Variants in RSU1 observed in about 807,000 individuals in gnomAD.
RSU1 encodes Ras suppressor protein 1.
In RSU1, 26 loss-of-function variants were observed where a neutral mutation model predicts 31.1. The observed-to-expected ratio is 0.84, with a 90% CI of 0.61 to 1.16. RSU1 has a LOEUF of 1.16. RSU1 is among the 50% of genes most tolerant of loss of function. The pLI is 0.00. For missense variants in RSU1, 320 were observed against 339.1 expected, an observed-to-expected ratio of 0.94 and a Z score of 0.44; for synonymous variants, 164 against 136.3, an observed-to-expected ratio of 1.20 and a Z score of -1.41.
At chr10:16,755,072 C>G (rs1338684707) in intron 4 of RSU1, 83 bp from the exon 5 acceptor site, 1 of 772,302 alleles carries the variant, frequency 1.3e-6, no homozygotes, top group Non-Finnish European at 2.2e-6. Flanking sequence ...GTTTCAGACG[C>G]TGAAAGTGTA....
intron 3 of RSU1, among the ~76,000 whole-genome samples, chr10:16,779,269 T>G (rs1837602988): frequency 6.6e-6 from 1 of 152,232 alleles, no homozygotes; most frequent in African/African-American, 2.4e-5. Flanking sequence ...TTAATATTTT[T>G]ATGAACTGCA....
At chr10:16,633,585 G>A (rs956944687) in intron 8 of RSU1, among the ~76,000 whole-genome samples, 1 of 152,106 alleles carries the variant, frequency 6.6e-6, no homozygotes, top group Non-Finnish European at 1.5e-5. Flanking sequence ...GAATGCCTGA[G>A]TCCTATACAG....
chr10:16,650,738 C>T (rs1392001964), intron 8 of RSU1, among the ~76,000 whole-genome samples: 3 of 145,930 alleles, frequency 2.1e-5, no homozygotes, highest in African/African-American at 7.4e-5. Context: ...CGCCACCACA[C>T]CCGGCTACTT....
intron 8 of RSU1, among the ~76,000 whole-genome samples, chr10:16,596,934 G>T (rs995015574): frequency 6.6e-6 from 1 of 152,160 alleles, no homozygotes; most frequent in Non-Finnish European, 1.5e-5. Flanking sequence ...CGTTGGACAT[G>T]CTGGTCTCAA....
At chr10:16,619,049 C>T (rs1037269062) in intron 8 of RSU1, among the ~76,000 whole-genome samples, 8 of 152,252 alleles carry the variant, frequency 5.3e-5, no homozygotes, top group African/African-American at 1.9e-4. Context: ...GAGGACTGAA[C>T]ATCAGGTACT....
At chr10:16,777,450 C>A (rs1357074059) in intron 3 of RSU1, among the ~76,000 whole-genome samples, 2 of 152,160 alleles carry the variant, frequency 1.3e-5, no homozygotes, top group Non-Finnish European at 2.9e-5. Flanking sequence ...AGCATACCTC[C>A]TTCTATAAGG....
At chr10:16,729,018 C>T (rs955154456) in intron 7 of RSU1, among the ~76,000 whole-genome samples, 3 of 152,206 alleles carry the variant, frequency 2.0e-5, no homozygotes, top group Admixed American at 1.3e-4. Context: ...TGTTTGTGCT[C>T]ATTGTTTATA....
intron 8 of RSU1, among the ~76,000 whole-genome samples, chr10:16,669,694 C>A (rs1308541101): frequency 6.6e-6 from 1 of 152,066 alleles, no homozygotes; most frequent in Non-Finnish European, 1.5e-5. Flanking sequence ...TTTTCTGTTC[C>A]TGTGTTAGTT....
chr10:16,677,986 A>G (rs1316605308), intron 8 of RSU1, among the ~76,000 whole-genome samples: 1 of 152,054 alleles, frequency 6.6e-6, no homozygotes, highest in African/African-American at 2.4e-5. Flanking sequence ...AAAATTAAGG[A>G]GAAAAGAAAC....
intron 8 of RSU1, among the ~76,000 whole-genome samples, chr10:16,654,361 C>CAAA (rs536600415): frequency 5.4e-5 from 5 of 92,280 alleles, no homozygotes; most frequent in African/African-American, 1.5e-4. Context: ...CCTAAATTTG[C>CAAA]AAAAAAAAAA....
At chr10:16,672,810 GTTGA>G (rs954654673) in intron 8 of RSU1, among the ~76,000 whole-genome samples, 4 of 152,292 alleles carry the variant, frequency 2.6e-5, no homozygotes, top group Non-Finnish European at 4.4e-5. Flanking sequence ...ACTGTCTTAA[GTTGA>G]TTGTTTTACA....
At chr10:16,735,901 G>A (rs1437715883) in intron 7 of RSU1, among the ~76,000 whole-genome samples, 2 of 152,052 alleles carry the variant, frequency 1.3e-5, no homozygotes, top group Admixed American at 6.5e-5. Flanking sequence ...CAGCCAAACC[G>A]TATCAGGAAA....
At chr10:16,606,448 G>C (rs1564283887) in intron 8 of RSU1, among the ~76,000 whole-genome samples, 2 of 151,984 alleles carry the variant, frequency 1.3e-5, no homozygotes, top group Non-Finnish European at 2.9e-5. Context: ...CATAAAAGTA[G>C]TGTTTTCTTC....
In RSU1 at chr10:16,593,235, G is replaced by C; in HGVS notation, c.*159C>G. On this transcript the variant is annotated 3_prime_UTR_variant, in exon 9 of 9. Coordinates refer to ENST00000345264, the MANE Select transcript of RSU1 (RefSeq NM_012425.4). ...TATAACAATCTCCCACCTAGCAAAAGAATCTAAAAGGTAAGGTGGGAAGCA... is the reference window on the plus strand; with the variant it reads ...TATAACAATCTCCCACCTAGCAAAACAATCTAAAAGGTAAGGTGGGAAGCA... 7 of 1,346,938 alleles carry C rather than the reference G, an allele frequency of 5.2e-6. No homozygotes were observed. Among genetic ancestry groups the C allele is most frequent in the Non-Finnish European group, 6.9e-6 (7 of 1,017,510 alleles). 83.4% of individuals were successfully genotyped at this position (1,346,938 alleles called of 1,614,324 possible).
In RSU1 at chr10:16,593,387, C is replaced by T. The variant is rs760057934; in HGVS notation, c.*7G>A. 1.2e-6 allele frequency: 2 copies of T among 1,613,880 alleles called. No individual in the cohort carries two copies. Among genetic ancestry groups the T allele is most frequent in the East Asian group, 4.5e-5 (2 of 44,866 alleles). ...TGCTGGAAGGCCAGCCGATGCCAAT[C>T]CCTTCCTTATCTGTTCTTGGCTGCC... On this transcript the variant is annotated 3_prime_UTR_variant, in exon 9 of 9. Transcript: ENST00000345264.
chr10:16,660,331 C>T (rs7090316), intron 8 of RSU1, among the ~76,000 whole-genome samples: 52,635 of 151,922 alleles, frequency 0.35, 10,835 homozygotes, highest in African/African-American at 0.58. Context: ...ATAAAGTTCA[C>T]GCTACCTGTT....
intron 3 of RSU1, among the ~76,000 whole-genome samples, chr10:16,775,377 G>C (rs1837507807): frequency 2.0e-5 from 3 of 152,176 alleles, no homozygotes; most frequent in African/African-American, 7.2e-5. Flanking sequence ...AAGTTCTCAC[G>C]ATTGGGGTGG....
intron 8 of RSU1, among the ~76,000 whole-genome samples, chr10:16,690,273 C>T (rs1361390080): frequency 6.6e-6 from 1 of 152,248 alleles, no homozygotes; most frequent in East Asian, 1.9e-4. Context: ...TATAACTCAG[C>T]GACAGTTTAA....
chr10:16,643,039 T>G (rs1588690162), intron 8 of RSU1, among the ~76,000 whole-genome samples: 2 of 152,228 alleles, frequency 1.3e-5, no homozygotes, highest in East Asian at 3.8e-4. Context: ...AAAATTAATA[T>G]TTTCATAATG....
Sources: gnomAD v4.1 joint callset for allele counts (sites outside exome capture counted in the v4.1 genomes callset) on GRCh38, gnomAD v4.1.1 for gene constraint, MANE v1.5 for transcripts, NCBI Gene and HGNC (gene_info 2026-07-23, HGNC 2026-07-21) for gene names.